The following ESF1 variants were observed in gnomAD, a reference collection of about 807,000 sequenced individuals.
ESF1 encodes the protein ESF1 nucleolar pre-rRNA processing protein, also known as ESF1 homolog.
A neutral mutation model predicts 92.0 loss-of-function variants in ESF1; 58 were observed. The ratio of observed to expected loss-of-function variants is 0.63; its 90% CI spans 0.51 to 0.78. The LOEUF (loss-of-function observed/expected upper bound fraction) is 0.78, where lower values mean the gene tolerates loss of function less well. Among genes scored for constraint, ESF1 ranks in the 30% least tolerant of loss-of-function variants. The pLI, the probability that ESF1 is intolerant of heterozygous loss-of-function variation, is 0.00. For missense variants in ESF1, 922 were observed against 989.1 expected, an observed-to-expected ratio of 0.93 and a Z score of 0.91; for synonymous variants, 321 against 313.7, an observed-to-expected ratio of 1.02 and a Z score of -0.24.
At chr20:13,761,045 C>A (rs1291384324) in intron 8 of ESF1, among the ~76,000 whole-genome samples, 5 of 151,870 alleles carry the variant, frequency 3.3e-5, no homozygotes, top group Admixed American at 6.6e-5. Context: ...AAGAAAAATT[C>A]TTCTGCCTTG....
intron 8 of ESF1, among the ~76,000 whole-genome samples, chr20:13,764,438 T>C (rs1365083153): frequency 6.6e-6 from 1 of 152,170 alleles, no homozygotes; most frequent in Non-Finnish European, 1.5e-5. Context: ...GCAAAGAGCA[T>C]ATACATTTAA....
At chr20:13,745,855 T>A (rs1462229099) in intron 9 of ESF1, among the ~76,000 whole-genome samples, 1 of 152,212 alleles carries the variant, frequency 6.6e-6, no homozygotes, top group African/African-American at 2.4e-5. Context: ...TAGGAATAGA[T>A]GTATCTGCGG....
intron 9 of ESF1, among the ~76,000 whole-genome samples, chr20:13,752,311 G>A (rs905880861): frequency 6.6e-6 from 1 of 152,200 alleles, no homozygotes; most frequent in Admixed American, 6.5e-5. Flanking sequence ...CTTACCAGCT[G>A]TGTGACTTCG....
At chr20:13,746,293 C>T (rs998618050) in intron 9 of ESF1, among the ~76,000 whole-genome samples, 2 of 152,226 alleles carry the variant, frequency 1.3e-5, no homozygotes, top group South Asian at 4.1e-4. Context: ...ACTGTAAATA[C>T]ACACTTTAAT....
chr20:13,748,577 T>C (rs1201425113), intron 9 of ESF1, among the ~76,000 whole-genome samples: 1 of 34,662 alleles, frequency 2.9e-5, no homozygotes, highest in Admixed American at 3.7e-4. Flanking sequence ...TGTGTGTGTA[T>C]ATATATATAT....
intron 7 of ESF1, among the ~76,000 whole-genome samples, chr20:13,769,701 G>A (rs1416356261): frequency 3.3e-5 from 5 of 152,116 alleles, no homozygotes; most frequent in Non-Finnish European, 5.9e-5. Flanking sequence ...CACGAGAATC[G>A]CTTCAACCTG....
intron 11 of ESF1, among the ~76,000 whole-genome samples, chr20:13,722,626 G>A (rs1568708587): frequency 6.6e-6 from 1 of 152,068 alleles, no homozygotes; most frequent in Non-Finnish European, 1.5e-5. Flanking sequence ...GAAGGAGGAA[G>A]ATTGCTTGAA....
intron 9 of ESF1, among the ~76,000 whole-genome samples, chr20:13,734,862 T>G (rs1231572816): frequency 6.6e-6 from 1 of 152,146 alleles, no homozygotes; most frequent in Non-Finnish European, 1.5e-5. Flanking sequence ...AGTTCTCTTT[T>G]GTTGATGAGT....
chr20:13,716,279 C>A (rs1324231725), intron 13 of ESF1, among the ~76,000 whole-genome samples: 1 of 147,584 alleles, frequency 6.8e-6, no homozygotes, highest in African/African-American at 2.6e-5. Flanking sequence ...GACTCTGCAG[C>A]CATTAGGAAT....
chr20:13,772,418 G>C, intron 5 of ESF1, 97 bp downstream of exon 5: 2 of 892,116 alleles, frequency 2.2e-6, no homozygotes, highest in South Asian at 2.9e-5. Flanking sequence ...AATGGCACAA[G>C]TATAAACTTT....
chr20:13,773,157 G>C (rs758852490), intron 4 of ESF1, among the ~76,000 whole-genome samples: 1 of 152,164 alleles, frequency 6.6e-6, no homozygotes, highest in Non-Finnish European at 1.5e-5. Context: ...ACCAGGTGTG[G>C]TATCTTCTAA....
At chr20:13,759,544 T>A in intron 9 of ESF1, 148 bp downstream of exon 9, 1 of 1,094,470 alleles carries the variant, frequency 9.1e-7, no homozygotes. Context: ...GGTAAGAGTC[T>A]AAAATGCTAG....
chr20:13,757,336 T>C (rs1045214820), intron 9 of ESF1, among the ~76,000 whole-genome samples: 2 of 152,226 alleles, frequency 1.3e-5, no homozygotes, highest in East Asian at 1.9e-4. Context: ...TGCTTATAAC[T>C]TCCAGTTACA....
intron 1 of ESF1, 133 bp downstream of exon 1, chr20:13,784,747 G>A (rs1315656616): frequency 1.1e-5 from 4 of 377,458 alleles, no homozygotes; most frequent in Non-Finnish European, 2.0e-5. Context: ...AAAAGGCTCA[G>A]GAGGAAGGGG....
At chr20:13,776,556 A>G (rs1489876812) in intron 2 of ESF1, among the ~76,000 whole-genome samples, 1 of 152,182 alleles carries the variant, frequency 6.6e-6, no homozygotes, top group African/African-American at 2.4e-5. Context: ...AATACTTAAC[A>G]GTGTGCCTGC....
At position 13,756,918 on chromosome 20, in the gene ESF1, T is replaced by C. The variant is rs142992345; in HGVS notation, c.1828+2774A>G. On this transcript the variant is annotated intron_variant, in intron 9 of 13. Transcript: ENST00000617257. ...GCCCTAAAAAGGCAAGCCAATTACT[T>C]GGCTGCTCATGAAAATGAAGAAATT... Among the ~76,000 whole-genome samples, 131 of 152,336 alleles carry C rather than the reference T, an allele frequency of 8.6e-4. 1 individual carries two copies. The East Asian group carries it at 0.02, about 24-fold the overall frequency.
At chr20:13,726,148 A>G (rs759531880) in intron 11 of ESF1, among the ~76,000 whole-genome samples, 3 of 152,176 alleles carry the variant, frequency 2.0e-5, no homozygotes, top group Non-Finnish European at 4.4e-5. Flanking sequence ...AGCCCTCACC[A>G]GTCCTCAAAC....
At chr20:13,743,768 C>A (rs2050030364) in intron 9 of ESF1, among the ~76,000 whole-genome samples, 1 of 152,098 alleles carries the variant, frequency 6.6e-6, no homozygotes, top group South Asian at 2.1e-4. Flanking sequence ...TGTTCAGTCA[C>A]AAGATGAATA....
At chr20:13,730,848 C>T (rs527284230) in intron 10 of ESF1, among the ~76,000 whole-genome samples, 6 of 151,762 alleles carry the variant, frequency 4.0e-5, no homozygotes, top group African/African-American at 7.3e-5. Flanking sequence ...CTAGATAACA[C>T]GGCATATATC....
Sources: allele counts gnomAD v4.1 joint callset (sites outside exome capture counted in the v4.1 genomes callset), GRCh38; gene constraint gnomAD v4.1.1; transcripts MANE v1.5; gene names NCBI Gene and HGNC (gene_info 2026-07-23, HGNC 2026-07-21).